Variants in CRADD observed in about 807,000 individuals in gnomAD.
CRADD encodes death domain-containing protein CRADD.
CRADD carries 9 observed loss-of-function variants against 15.5 expected under a neutral mutation model. That is an observed-to-expected ratio of 0.58 (90% CI 0.35 to 1.01). CRADD has a LOEUF of 1.01. Ranked by LOEUF, CRADD falls within the 50% of genes least tolerant of loss-of-function variation. CRADD has a pLI of 0.02. For synonymous variants in CRADD, 118 were observed against 107.6 expected, an observed-to-expected ratio of 1.10 and a Z score of -0.60; for missense variants, 227 against 250.3, an observed-to-expected ratio of 0.91 and a Z score of 0.63.
intron 2 of CRADD, among the ~76,000 whole-genome samples, chr12:93,801,642 G>A (rs1409012132): frequency 2.0e-5 from 3 of 152,134 alleles, no homozygotes; most frequent in Non-Finnish European, 4.4e-5. Context: ...CAGGTGATCC[G>A]CCTGCCTCAG....
At chr12:93,827,916 AC>A (rs1019836238) in intron 2 of CRADD, among the ~76,000 whole-genome samples, 1 of 152,094 alleles carries the variant, frequency 6.6e-6, no homozygotes, top group Non-Finnish European at 1.5e-5. Context: ...CCTCCTGGCA[AC>A]CACTATTCTC....
At chr12:93,835,326 C>T (rs1009960373) in intron 2 of CRADD, among the ~76,000 whole-genome samples, 1 of 152,178 alleles carries the variant, frequency 6.6e-6, no homozygotes, top group Non-Finnish European at 1.5e-5. Flanking sequence ...CAATGACTGA[C>T]TTTCCCCTCA....
intron 2 of CRADD, among the ~76,000 whole-genome samples, chr12:93,752,220 CA>C (rs1332501853): frequency 6.6e-6 from 1 of 152,160 alleles, no homozygotes; most frequent in Non-Finnish European, 1.5e-5. Flanking sequence ...GGTAGCCTTC[CA>C]AAGTATGTTA....
At chr12:93,880,163 A>T (rs972000856) in intron 2 of CRADD, among the ~76,000 whole-genome samples, 1 of 152,038 alleles carries the variant, frequency 6.6e-6, no homozygotes, top group Non-Finnish European at 1.5e-5. Context: ...GCTCCCCTCA[A>T]CTGGCATTTT....
chr12:93,721,575 G>A (rs1203259141), intron 2 of CRADD, among the ~76,000 whole-genome samples: 2 of 152,136 alleles, frequency 1.3e-5, no homozygotes, highest in African/African-American at 4.8e-5. Flanking sequence ...TACTGCACAT[G>A]TACAGATGTT....
At chr12:93,808,476 C>A (rs1957574349) in intron 2 of CRADD, among the ~76,000 whole-genome samples, 1 of 152,128 alleles carries the variant, frequency 6.6e-6, no homozygotes, top group Non-Finnish European at 1.5e-5. Flanking sequence ...GGGATTATTA[C>A]AATTCAAGGT....
chr12:93,850,644 G>T lies in CRADD; in HGVS notation c.*373G>T. On this transcript the variant is annotated 3_prime_UTR_variant, in exon 3 of 3. Coordinates refer to ENST00000332896, the MANE Select transcript of CRADD (RefSeq NM_003805.5). This position sits in a 1 kb window ranked among gnomAD's most constrained non-coding sequence, Gnocchi z 4.0. ...CACATTACAGGCAGGTGTCTCATAT[G>T]TAAAACATTTACCTGAATGTTGTCT... The T allele has an allele frequency of 1.0e-6, 1 of 960,184 alleles. No homozygotes were observed. Among genetic ancestry groups the T allele is most frequent in the Non-Finnish European group, 1.2e-6 (1 of 806,698 alleles). The allele number at this position is 960,184 out of a possible 1,614,324, so 59.5% of individuals were successfully genotyped here. A position where few individuals can be genotyped will look rare whatever the true frequency, so the allele number is the denominator to read the frequency against.
intron 2 of CRADD, among the ~76,000 whole-genome samples, chr12:93,747,814 G>A (rs1345300986): frequency 6.6e-6 from 1 of 152,092 alleles, no homozygotes; most frequent in African/African-American, 2.4e-5. Flanking sequence ...TGGCAGTGGT[G>A]TCAGGTGGCC....
chr12:93,705,487 C>T (rs558353041), intron 2 of CRADD, among the ~76,000 whole-genome samples: 281 of 152,274 alleles, frequency 1.8e-3, no homozygotes, highest in African/African-American at 6.4e-3. Context: ...CCTTAATGAT[C>T]GGAAGAGATG....
At chr12:93,892,085 G>A (rs577390042) in intron 2 of CRADD, among the ~76,000 whole-genome samples, 1 of 152,276 alleles carries the variant, frequency 6.6e-6, no homozygotes, top group Non-Finnish European at 1.5e-5. Flanking sequence ...GCTCAGAGAG[G>A]TGGGAGATAT....
intron 2 of CRADD, among the ~76,000 whole-genome samples, chr12:93,805,410 GAATT>G (rs753865708): frequency 2.0e-5 from 3 of 151,758 alleles, no homozygotes; most frequent in Non-Finnish European, 2.9e-5. Flanking sequence ...AAATTTGAAT[GAATT>G]ATTTCAATAA....
chr12:93,730,717 CTTTT>C (rs566237726), intron 2 of CRADD, among the ~76,000 whole-genome samples: 1 of 127,160 alleles, frequency 7.9e-6, no homozygotes, highest in Admixed American at 7.9e-5. Context: ...CCTTCATTTA[CTTTT>C]TTTTTTTTTT....
At chr12:93,807,900 T>A (rs1172156221) in intron 2 of CRADD, among the ~76,000 whole-genome samples, 2 of 142,398 alleles carry the variant, frequency 1.4e-5, no homozygotes, top group Non-Finnish European at 3.0e-5. Flanking sequence ...ACATTCTAAC[T>A]GGGTGAGAAG....
chr12:93,808,009 G>T (rs555533969), intron 2 of CRADD, among the ~76,000 whole-genome samples: 5 of 129,564 alleles, frequency 3.9e-5, no homozygotes, highest in Non-Finnish European at 8.2e-5. Flanking sequence ...AAAGTATAGA[G>T]CAGGCTAAGG....
At chr12:93,829,961 G>T (rs1957873368) in intron 2 of CRADD, among the ~76,000 whole-genome samples, 1 of 152,112 alleles carries the variant, frequency 6.6e-6, no homozygotes, top group Non-Finnish European at 1.5e-5. Flanking sequence ...CAAAGTGCTA[G>T]GATTACAGGC....
At chr12:93,686,191 G>GTT (rs1362211888) in intron 2 of CRADD, among the ~76,000 whole-genome samples, 1 of 149,700 alleles carries the variant, frequency 6.7e-6, no homozygotes, top group African/African-American at 2.5e-5. Flanking sequence ...ATCCTAGCTA[G>GTT]TCAGGAGGCT....
intron 2 of CRADD, among the ~76,000 whole-genome samples, chr12:93,780,741 C>CTT (rs1344435534): frequency 9.8e-5 from 14 of 143,488 alleles, no homozygotes; most frequent in Admixed American, 1.4e-4. Context: ...TCTTGATTAC[C>CTT]TTTTTTTTTT....
At chr12:93,776,611 A>G (rs1957143188) in intron 2 of CRADD, among the ~76,000 whole-genome samples, 1 of 152,174 alleles carries the variant, frequency 6.6e-6, no homozygotes, top group Non-Finnish European at 1.5e-5. Flanking sequence ...TTCACACAAA[A>G]ACTTGTGCAT....
At chr12:93,733,168 A>G (rs967234725) in intron 2 of CRADD, among the ~76,000 whole-genome samples, 4 of 152,242 alleles carry the variant, frequency 2.6e-5, no homozygotes, top group Non-Finnish European at 5.9e-5. Flanking sequence ...GCTAATAAAT[A>G]TCAAAGAACA....
Sources: allele counts gnomAD v4.1 joint callset (sites outside exome capture counted in the v4.1 genomes callset), GRCh38; gene constraint gnomAD v4.1.1; non-coding constraint Gnocchi (gnomAD v3.1); transcripts MANE v1.5; gene names NCBI Gene and HGNC (gene_info 2026-07-23, HGNC 2026-07-21).